Variants in NUP133 observed in about 807,000 individuals in gnomAD.
NUP133 encodes nucleoporin 133.
Under a neutral mutation model 146.2 loss-of-function variants are expected in NUP133, and 66 were observed. The observed-to-expected ratio is 0.45, with a 90% CI of 0.37 to 0.55. NUP133 has a LOEUF of 0.55. Among genes scored for constraint, NUP133 ranks in the 20% least tolerant of loss-of-function variants. The probability of loss-of-function intolerance (pLI) is 0.00; values close to 1 mark genes in which losing one functional copy is unlikely to be tolerated. For missense variants in NUP133, 1,277 were observed against 1,374.8 expected, an observed-to-expected ratio of 0.93 and a Z score of 1.12; for synonymous variants, 521 against 498.8, an observed-to-expected ratio of 1.04 and a Z score of -0.59.
chr1:229,486,636 T>A (rs1476230364), intron 10 of NUP133, 108 bp from the exon 11 acceptor site: 5 of 1,062,754 alleles, frequency 4.7e-6, no homozygotes, highest in Non-Finnish European at 6.7e-6. Flanking sequence ...ATTAAGCACA[T>A]TTTTTCCTTT....
rs780961900 is a variant in NUP133, at chr1:229,484,083, C to A, written c.1563G>T (p.Leu521Phe). The A allele has an allele frequency of 5.6e-6, 9 of 1,613,322 alleles. No individual in the cohort carries two copies. The highest frequency in any genetic ancestry group is 7.6e-6 in the Non-Finnish European group (9 of 1,179,548). The change falls in exon 12 of 26, where the codon TTG becomes TTT. Residue 521 changes from leucine to phenylalanine, a missense_variant. Leu to Phe is a conservative substitution (Grantham distance 22). Transcript: ENST00000261396. Reference sequence around the variant, plus strand: ...AGTATTGCAGAAAGGCAGCTTTCAGCAACTTGATTTTATCTTCCTGGGCTA... The same window carrying A: ...AGTATTGCAGAAAGGCAGCTTTCAGAAACTTGATTTTATCTTCCTGGGCTA... Reference protein sequence around the residue: ...ETIAQEDKIKLLKAAFLQYCR... With the variant: ...ETIAQEDKIKFLKAAFLQYCR...
At chr1:229,464,904 A>G (rs926787632) in intron 17 of NUP133, 29 bp from the exon 18 acceptor site, 1 of 1,610,942 alleles carries the variant, frequency 6.2e-7, no homozygotes, top group Non-Finnish European at 8.5e-7. Context: ...TAATATGGTT[A>G]AAGTAAGGGA....
chr1:229,496,109 G>A (rs1247208207), intron 6 of NUP133, 62 bp from the exon 7 acceptor site: 5 of 1,285,738 alleles, frequency 3.9e-6, no homozygotes, highest in Admixed American at 6.3e-5. Context: ...AGGAACTATT[G>A]TTTTAAAAGT....
chr1:229,464,677 T>C lies in NUP133; in HGVS notation c.2498A>G (p.Asp833Gly). 6 of 1,614,208 alleles carry C rather than the reference T, an allele frequency of 3.7e-6. No individual in the cohort carries two copies. The highest frequency in any genetic ancestry group is 5.1e-6 in the Non-Finnish European group (6 of 1,180,018). ...VDKSSNRERY[D>G]NLEMEYLQKR... is the part of the protein sequence containing the mutation. ...CTGTAGGTATTCCATCTCCAGATTGTCATATCTTTCCCGATTACTGGATTT... is the reference window on the plus strand; with the variant it reads ...CTGTAGGTATTCCATCTCCAGATTGCCATATCTTTCCCGATTACTGGATTT... Residue 833 changes from aspartate to glycine, a missense_variant, in exon 18 of 26, where the codon GAC becomes GGC. Physicochemically the swap from Asp to Gly is moderately conservative, Grantham distance 94 (BLOSUM62 -1). Coordinates refer to ENST00000261396, the MANE Select transcript of NUP133 (RefSeq NM_018230.3).
chr1:229,491,665 C>T (rs902256204), intron 8 of NUP133, among the ~76,000 whole-genome samples: 1 of 152,168 alleles, frequency 6.6e-6, no homozygotes, highest in Non-Finnish European at 1.5e-5. Flanking sequence ...GTAATCTCAG[C>T]TACTCGGGAG....
At position 229,500,752 on chromosome 1, in the gene NUP133, C is replaced by G. The variant is rs753482372; in HGVS notation, c.513+4G>C. ...TTATTTAAATAAGCTTTTAAGTCACCTACCTGAGTAGAATGTGCTTCACCT... is the reference window on the plus strand; with the variant it reads ...TTATTTAAATAAGCTTTTAAGTCACGTACCTGAGTAGAATGTGCTTCACCT... On this transcript the variant is annotated splice_donor_region_variant and intron_variant, in intron 4 of 25. Coordinates refer to ENST00000261396, the MANE Select transcript of NUP133 (RefSeq NM_018230.3). 8 of 1,585,250 alleles carry G rather than the reference C, an allele frequency of 5.0e-6. No individual in the cohort carries two copies. The highest frequency in any genetic ancestry group is 6.9e-6 in the Non-Finnish European group (8 of 1,157,234).
rs756795716 is a variant in NUP133 at position 229,470,648 on chromosome 1, T to G, written c.2008A>C (p.Ile670Leu). 16 of 1,614,136 alleles carry G rather than the reference T, an allele frequency of 9.9e-6. No individual in the cohort carries two copies. In the Admixed American group the frequency reaches 2.7e-4, roughly 27 times the overall value. The change falls in exon 15 of 26, where the codon ATT (isoleucine) becomes CTT (leucine). Residue 670 changes from isoleucine (I) to leucine (L), a missense_variant. By Grantham distance (5) the Ile-to-Leu change is conservative (BLOSUM62 2). This residue lies in a region of NUP133 where 952 missense variants were observed against 1,047.0 expected (regional missense o/e 0.91). Transcript: ENST00000261396. ...TCATACTCCCTCTTGTTCAAAGCAATCAATATGGCTGTGTTGACAAGGTCA... is the reference window on the plus strand; with the variant it reads ...TCATACTCCCTCTTGTTCAAAGCAAGCAATATGGCTGTGTTGACAAGGTCA... ...LSDLVNTAILIALNKREYEIP... is the reference protein window; with the variant it reads ...LSDLVNTAILLALNKREYEIP...
intron 7 of NUP133, 44 bp from the exon 8 acceptor site, chr1:229,495,609 T>C (rs1187550587): frequency 7.1e-7 from 1 of 1,415,580 alleles, no homozygotes; most frequent in Non-Finnish European, 9.9e-7. Flanking sequence ...AGTGCAGGAA[T>C]GATTTATTTT....
intron 15 of NUP133, among the ~76,000 whole-genome samples, chr1:229,470,200 T>C (rs1202036942): frequency 6.7e-6 from 1 of 149,870 alleles, no homozygotes; most frequent in African/African-American, 2.5e-5. Context: ...TTAGCCGGGG[T>C]GGTGGCTAGC....
rs546479048 is a variant in NUP133, at chr1:229,451,735, A to C, written c.3099+790T>G. Among the ~76,000 whole-genome samples, 43 of 152,322 alleles carry C rather than the reference A, an allele frequency of 2.8e-4. 1 individual carries two copies. In the South Asian group the frequency reaches 3.3e-3, roughly 12 times the overall value. ...TTGTGTTCATTGTCTTACAGCACTCAAAAGATAATAGTTTTATTTTGTTGT... is the reference window on the plus strand; with the variant it reads ...TTGTGTTCATTGTCTTACAGCACTCCAAAGATAATAGTTTTATTTTGTTGT... On this transcript the variant is annotated intron_variant, in intron 22 of 25. Coordinates refer to ENST00000261396, the MANE Select transcript of NUP133 (RefSeq NM_018230.3).
chr1:229,460,533 T>C lies in NUP133; in HGVS notation c.2844+78A>G. On this transcript the variant is annotated intron_variant, in intron 20 of 25. Transcript: ENST00000261396. The stretch of plus-strand genomic sequence containing the variant: ...CAGGTATATGACAGTAAACAGTATT[T>C]TAATTACTAAAAACAAAACTAATTA... 2.8e-6 allele frequency: 4 copies of C among 1,420,708 alleles called. No homozygotes were observed. In the Admixed American group the frequency reaches 8.2e-5, roughly 29 times the overall value. The allele number at this position is 1,420,708 out of a possible 1,614,324, so 88.0% of individuals were successfully genotyped here.
At chr1:229,497,526 A>G (rs1038733028) in intron 6 of NUP133, among the ~76,000 whole-genome samples, 3 of 152,246 alleles carry the variant, frequency 2.0e-5, no homozygotes, top group Non-Finnish European at 4.4e-5. Flanking sequence ...CTTTAAATTC[A>G]GACAGGCCTG....
intron 14 of NUP133, among the ~76,000 whole-genome samples, chr1:229,474,764 T>C (rs1661035932): frequency 6.6e-6 from 1 of 152,058 alleles, no homozygotes; most frequent in Non-Finnish European, 1.5e-5. Flanking sequence ...ACATAAAAAA[T>C]TAGCCGGGTG....
intron 18 of NUP133, among the ~76,000 whole-genome samples, chr1:229,464,069 C>T (rs529744499): frequency 2.6e-5 from 4 of 152,124 alleles, no homozygotes; most frequent in South Asian, 2.1e-4. Flanking sequence ...TGTTTGAACC[C>T]GGGAGATGGA....
At chr1:229,483,993 CAT>C (rs1255553585) in intron 12 of NUP133, 59 bp downstream of exon 12, 33 of 1,172,970 alleles carry the variant, frequency 2.8e-5, no homozygotes, top group Non-Finnish European at 3.5e-5. Flanking sequence ...ATAAGTAGCA[CAT>C]GTCAGTAAAA....
At chr1:229,474,561 C>T (rs1445720175) in intron 14 of NUP133, among the ~76,000 whole-genome samples, 1 of 152,114 alleles carries the variant, frequency 6.6e-6, no homozygotes, top group Non-Finnish European at 1.5e-5. Flanking sequence ...TAGTGCTGCA[C>T]TGTCCAATAA....
chr1:229,497,774 A>C (rs1661690064), intron 6 of NUP133, among the ~76,000 whole-genome samples: 1 of 152,236 alleles, frequency 6.6e-6, no homozygotes. Flanking sequence ...CAGCCAACAG[A>C]TCTAGATTTC....
At chr1:229,496,116 A>G in intron 6 of NUP133, 69 bp from the exon 7 acceptor site, 1 of 1,245,818 alleles carries the variant, frequency 8.0e-7, no homozygotes, top group Non-Finnish European at 1.1e-6. Flanking sequence ...ATTGTTTTAA[A>G]AGTCAAATTT....
chr1:229,487,838 A>ATTTTTTTTTTTTTT (rs10565327), intron 9 of NUP133, among the ~76,000 whole-genome samples: 1 of 118,162 alleles, frequency 8.5e-6, no homozygotes, highest in African/African-American at 3.5e-5. Context: ...TGCTTTTTTA[A>ATTTTTTTTTTTTTT]TTTTTTTTTT....
Sources: gnomAD v4.1 joint callset for allele counts (sites outside exome capture counted in the v4.1 genomes callset) on GRCh38, gnomAD v4.1.1 for gene constraint, gnomAD v4.1.1 regional missense constraint, MANE v1.5 for transcripts, NCBI Gene and HGNC (gene_info 2026-07-23, HGNC 2026-07-21) for gene names.